MON2: variants seen among roughly 807,000 people sequenced by gnomAD.
The protein encoded by MON2 is protein MON2 homolog.
A neutral mutation model predicts 208.6 loss-of-function variants in MON2; 84 were observed. That is an observed-to-expected ratio of 0.40 (90% CI 0.34 to 0.48). The LOEUF (loss-of-function observed/expected upper bound fraction) is 0.48, where lower values mean the gene tolerates loss of function less well. Among genes scored for constraint, MON2 ranks in the 20% least tolerant of loss-of-function variants. MON2 has a pLI of 0.59. For synonymous variants in MON2, 660 were observed against 694.0 expected, an observed-to-expected ratio of 0.95 and a Z score of 0.77; for missense variants, 1,611 against 2,015.4, an observed-to-expected ratio of 0.80 and a Z score of 3.84.
chr12:62,545,775 AC>A (rs1032831093), intron 21 of MON2: 3 of 152,308 alleles, frequency 2.0e-5, no homozygotes, highest in Admixed American at 2.0e-4. Flanking sequence ...ATTATTGAAT[AC>A]CCCACCTGGA....
chr12:62,476,024 AAAGG>A (rs140270134), intron 1 of MON2, among the ~76,000 whole-genome samples: 14,460 of 151,954 alleles, frequency 0.095, 788 homozygotes, highest in Non-Finnish European at 0.12. Flanking sequence ...AAAGAAAAGA[AAAGG>A]AAGGAAAAAG....
intron 21 of MON2, among the ~76,000 whole-genome samples, chr12:62,546,299 T>C (rs2073479903): frequency 6.6e-6 from 1 of 152,198 alleles, no homozygotes; most frequent in South Asian, 2.1e-4. Flanking sequence ...GAAATTTATT[T>C]CTATTATTTA....
chr12:62,536,694 GT>G (rs796857487), intron 14 of MON2, among the ~76,000 whole-genome samples: 70 of 140,000 alleles, frequency 5.0e-4, no homozygotes, highest in Non-Finnish European at 6.8e-4. Flanking sequence ...GTGTTTTTTT[GT>G]TTTTTTTTTT....
intron 1 of MON2, among the ~76,000 whole-genome samples, chr12:62,481,964 C>T (rs1468266441): frequency 6.6e-6 from 1 of 152,148 alleles, no homozygotes; most frequent in Non-Finnish European, 1.5e-5. Flanking sequence ...CCAGCGTGAC[C>T]GTTACGGCTG....
At chr12:62,565,949 G>A in intron 27 of MON2, 65 bp from the exon 28 acceptor site, 1 of 1,391,074 alleles carries the variant, frequency 7.2e-7, no homozygotes, top group African/African-American at 1.4e-5. Context: ...TCGTCCGAAA[G>A]TAGTTTAAAT....
Position 62,592,864 on chromosome 12 carries a change from G to T in MON2, c.*115G>T. The T allele has an allele frequency of 9.0e-7, 1 of 1,110,174 alleles. No homozygotes were observed. The highest frequency in any genetic ancestry group is 1.3e-6 in the Non-Finnish European group (1 of 796,336). The allele number at this position is 1,110,174 out of a possible 1,614,324, so 68.8% of individuals were successfully genotyped here. A position where few individuals can be genotyped will look rare whatever the true frequency, so the allele number is the denominator to read the frequency against. ...AGATAATTCTTGGCAGCTGTTGTTG[G>T]CCTCCTTTAAATTCTACTTACCTGA... On this transcript the variant is annotated 3_prime_UTR_variant, in exon 35 of 35. Coordinates refer to ENST00000393630, the MANE Select transcript of MON2 (RefSeq NM_015026.3).
At chr12:62,515,115 AC>A (rs1172831446) in intron 8 of MON2, among the ~76,000 whole-genome samples, 1 of 152,236 alleles carries the variant, frequency 6.6e-6, no homozygotes, top group Non-Finnish European at 1.5e-5. Flanking sequence ...TTACCATATG[AC>A]CCAGCAATAC....
In MON2 at chr12:62,585,466, G is replaced by C; in HGVS notation, c.4872G>C (p.Glu1624Asp). The C allele has an allele frequency of 1.2e-6, 2 of 1,611,296 alleles. No individual in the cohort carries two copies. The highest frequency in any genetic ancestry group is 1.7e-6 in the Non-Finnish European group (2 of 1,178,092). Residue 1624 changes from glutamate to aspartate, a missense_variant, in exon 33 of 35, where the codon GAG becomes GAC. By Grantham distance (45) the Glu-to-Asp change is conservative (BLOSUM62 2). Transcript: ENST00000393630. ...RSQDVLHRYI[E>D]DERLSGKCPL... ...AAGATGTACTACATCGCTATATAGAGGATGAAAGATTAAGTGGTAAATGCC... is the reference window on the plus strand; with the variant it reads ...AAGATGTACTACATCGCTATATAGACGATGAAAGATTAAGTGGTAAATGCC...
intron 2 of MON2, 117 bp from the exon 3 acceptor site, chr12:62,493,798 A>G (rs1465342930): frequency 1.4e-6 from 1 of 720,820 alleles, no homozygotes; most frequent in Non-Finnish European, 2.1e-6. Context: ...TTTGGTGTTT[A>G]TTTTACGTAA....
chr12:62,503,980 G>A (rs2070972063), intron 7 of MON2, among the ~76,000 whole-genome samples: 1 of 150,614 alleles, frequency 6.6e-6, no homozygotes, highest in Non-Finnish European at 1.5e-5. Context: ...ACGTATATGT[G>A]TATTATATAT....
At position 62,524,436 on chromosome 12, in the gene MON2, CTAAGT is replaced by C. The variant is rs1168993953; in HGVS notation, c.985-74_985-70del. The C allele has an allele frequency of 4.1e-6, 5 of 1,208,110 alleles. No individual in the cohort carries two copies. The East Asian group carries it at 7.5e-5, about 18-fold the overall frequency. 74.8% of individuals were successfully genotyped at this position (1,208,110 alleles called of 1,614,324 possible). On this transcript the variant is annotated intron_variant, in intron 8 of 34. Transcript: ENST00000393630. Reference sequence around the variant, plus strand: ...AGATTTTATTGGTTTGTCCATAGCACTAAGTTAAGAATAAGAACACAGTCTATAAT... The same window carrying C: ...AGATTTTATTGGTTTGTCCATAGCACTAAGAATAAGAACACAGTCTATAAT...
At chr12:62,538,224 A>C in intron 17 of MON2, 28 bp from the exon 18 acceptor site, 1 of 1,610,022 alleles carries the variant, frequency 6.2e-7, no homozygotes, top group Non-Finnish European at 8.5e-7. Context: ...AAAGTGTCAT[A>C]TATTACATTT....
At chr12:62,582,911 T>G (rs192254463) in intron 32 of MON2, among the ~76,000 whole-genome samples, 1 of 151,380 alleles carries the variant, frequency 6.6e-6, no homozygotes, top group Non-Finnish European at 1.5e-5. Flanking sequence ...CCAAAACAAA[T>G]GAAGAGAGAG....
chr12:62,497,410 A>G (rs544003805), intron 4 of MON2, among the ~76,000 whole-genome samples: 5 of 152,324 alleles, frequency 3.3e-5, no homozygotes, highest in African/African-American at 1.2e-4. Flanking sequence ...AATGGGTGAC[A>G]AACACATGAA....
At chr12:62,504,476 T>A (rs2071005689) in intron 7 of MON2, among the ~76,000 whole-genome samples, 4 of 152,124 alleles carry the variant, frequency 2.6e-5, no homozygotes, top group Non-Finnish European at 5.9e-5. Context: ...CTCGATCTCC[T>A]GACCTCGTGA....
chr12:62,493,834 T>TA lies in MON2; in HGVS notation c.176-80dup, dbSNP rs1229314570. ...AGTGGATTTTTTTTGAGATCGCTAT[T>TA]ACTGGTTGTAATTATATAAAAATGC... On this transcript the variant is annotated intron_variant, in intron 2 of 34. Coordinates refer to ENST00000393630, the MANE Select transcript of MON2 (RefSeq NM_015026.3). The TA allele has an allele frequency of 2.2e-5, 24 of 1,068,860 alleles. No individual in the cohort carries two copies. In the South Asian group the frequency reaches 4.6e-4, roughly 20 times the overall value. 66.2% of individuals were successfully genotyped at this position (1,068,860 alleles called of 1,614,324 possible).
intron 8 of MON2, among the ~76,000 whole-genome samples, chr12:62,523,866 T>C (rs1462974253): frequency 6.6e-6 from 1 of 152,154 alleles, no homozygotes; most frequent in Admixed American, 6.6e-5. Context: ...TTTTGTTTGT[T>C]CATTCAGTTA....
At chr12:62,503,014 G>T (rs961574233) in intron 7 of MON2, among the ~76,000 whole-genome samples, 1 of 152,124 alleles carries the variant, frequency 6.6e-6, no homozygotes, top group Non-Finnish European at 1.5e-5. Context: ...TCCCTTTCTT[G>T]TAGTGTAATA....
At chr12:62,547,852 T>C (rs1396625076) in intron 22 of MON2, among the ~76,000 whole-genome samples, 3 of 152,216 alleles carry the variant, frequency 2.0e-5, no homozygotes, top group Admixed American at 1.3e-4. Flanking sequence ...AGCAATAATA[T>C]ACCATATAGC....
Sources: gnomAD v4.1 joint callset for allele counts (sites outside exome capture counted in the v4.1 genomes callset) on GRCh38, gnomAD v4.1.1 for gene constraint, MANE v1.5 for transcripts, NCBI Gene and HGNC (gene_info 2026-07-23, HGNC 2026-07-21) for gene names.